The following C9orf72 variants were observed in gnomAD, a reference collection of about 807,000 sequenced individuals.
C9orf72 encodes guanine nucleotide exchange factor C9orf72.
Under a neutral mutation model 51.6 loss-of-function variants are expected in C9orf72, and 44 were observed. The observed-to-expected ratio is 0.85, with a 90% CI of 0.67 to 1.10. The LOEUF is 1.10. Among genes scored for constraint, C9orf72 ranks in the 50% least tolerant of loss-of-function variants. C9orf72 has a pLI of 0.00. For synonymous variants in C9orf72, 213 were observed against 194.2 expected (o/e 1.10, Z -0.81); for missense variants, 607 against 570.6 (o/e 1.06, Z -0.65).
intron 3 of C9orf72, among the ~76,000 whole-genome samples, chr9:27,565,157 G>A (rs1245077893): frequency 6.6e-6 from 1 of 152,050 alleles, no homozygotes; most frequent in Non-Finnish European, 1.5e-5. Flanking sequence ...ATACCTCAGG[G>A]GTACATATGC....
chr9:27,561,401 C>A (rs1177712427), intron 5 of C9orf72, 184 bp downstream of exon 5: 2 of 1,363,562 alleles, frequency 1.5e-6, no homozygotes, highest in African/African-American at 3.1e-5. Flanking sequence ...TGGAATAACA[C>A]CAAATATATA....
At chr9:27,551,426 T>C (rs761817381) in intron 8 of C9orf72, among the ~76,000 whole-genome samples, 3 of 152,204 alleles carry the variant, frequency 2.0e-5, no homozygotes, top group Non-Finnish European at 4.4e-5. Flanking sequence ...CTCCCTTTCA[T>C]CTTTTTCTCT....
chr9:27,564,773 G>T (rs1356142816), intron 3 of C9orf72, among the ~76,000 whole-genome samples: 2 of 151,996 alleles, frequency 1.3e-5, no homozygotes, highest in African/African-American at 2.4e-5. Flanking sequence ...TAAAATATTG[G>T]AGTTTTACAA....
At chr9:27,560,391 C>A in intron 5 of C9orf72, 92 bp from the exon 6 acceptor site, 1 of 887,006 alleles carries the variant, frequency 1.1e-6, no homozygotes, top group Non-Finnish European at 1.7e-6. Flanking sequence ...CTTCAAATAA[C>A]TCAGAATAGC....
In C9orf72 at chr9:27,567,167, A is replaced by G; in HGVS notation, c.-44-3T>C. On this transcript the variant is annotated splice_polypyrimidine_tract_variant and splice_region_variant and intron_variant, in intron 1 of 10. Coordinates refer to ENST00000380003, the MANE Select transcript of C9orf72 (RefSeq NM_018325.5). ...TTATCCAAATGCTCCGGAGATATCT[A>G]AACAATGACATATGAAACCAATGAT... 6.8e-7 allele frequency: 1 copy of G among 1,475,284 alleles called. No homozygotes were observed. The highest frequency in any genetic ancestry group is 9.4e-7 in the Non-Finnish European group (1 of 1,068,534). 91.4% of individuals were successfully genotyped at this position (1,475,284 alleles called of 1,614,324 possible).
chr9:27,558,493 T>G lies in C9orf72; in HGVS notation c.853A>C (p.Lys285Gln). The change falls in exon 7 of 11, where the codon AAG (lysine) becomes CAG (glutamine). Residue 285 changes from lysine to glutamine, a missense_variant and splice_region_variant. Coordinates refer to ENST00000380003, the MANE Select transcript of C9orf72 (RefSeq NM_018325.5). ...ESGLFVQGLLKDSTGSFVLPF... is the reference protein window; with the variant it reads ...ESGLFVQGLLQDSTGSFVLPF... ...CTTGTGATAACTAGAAACTATACCT[T>G]TAGCAGGCCTTGTACAAAGAGCCCT... 6.5e-7 allele frequency: 1 copy of G among 1,532,146 alleles called. No individual in the cohort carries two copies. Among genetic ancestry groups the G allele is most frequent in the South Asian group, 1.2e-5 (1 of 86,162 alleles). 94.9% of individuals were successfully genotyped at this position (1,532,146 alleles called of 1,614,324 possible). A position where few individuals can be genotyped will look rare whatever the true frequency, so the allele number is the denominator to read the frequency against.
Position 27,550,735 on chromosome 9 carries a change from G to GA in C9orf72, c.1092-29dup, listed in dbSNP as rs199757389. 7,299 of 1,434,622 alleles carry GA rather than the reference G, an allele frequency of 5.1e-3. 25 individuals are homozygous for GA. Among genetic ancestry groups the GA allele is most frequent in the Non-Finnish European group, 6.3e-3 (6,533 of 1,038,598 alleles). The allele number at this position is 1,434,622 out of a possible 1,614,324, so 88.9% of individuals were successfully genotyped here. A position where few individuals can be genotyped will look rare whatever the true frequency, so the allele number is the denominator to read the frequency against. On this transcript the variant is annotated intron_variant, in intron 8 of 10. Coordinates refer to ENST00000380003, the MANE Select transcript of C9orf72 (RefSeq NM_018325.5). ...GAAGAAAAGAAGAAAATGAAGAAAA[G>GA]AAAAAAGTTCAAATGTTGAAATGGC...
At chr9:27,564,051 G>A (rs1819412323) in intron 3 of C9orf72, among the ~76,000 whole-genome samples, 1 of 148,408 alleles carries the variant, frequency 6.7e-6, no homozygotes, top group South Asian at 2.1e-4. Context: ...ATAATTTTGG[G>A]AAAATATTTC....
At chr9:27,560,483 C>T (rs1243224634) in intron 5 of C9orf72, 184 bp from the exon 6 acceptor site, 2 of 624,632 alleles carry the variant, frequency 3.2e-6, no homozygotes, top group African/African-American at 3.8e-5. Context: ...AGACCTTTCA[C>T]AGAAATTTTC....
chr9:27,568,101 A>AG (rs1336958729), intron 1 of C9orf72, among the ~76,000 whole-genome samples: 2 of 151,160 alleles, frequency 1.3e-5, no homozygotes, highest in Non-Finnish European at 3.0e-5. Context: ...AAAAAAAAAA[A>AG]AAAAAAGACA....
intron 9 of C9orf72, among the ~76,000 whole-genome samples, chr9:27,548,929 A>C (rs10967979): frequency 0.23 from 34,921 of 151,360 alleles, 4,197 homozygotes; most frequent in Non-Finnish European, 0.25. Flanking sequence ...ACTGCAACCT[A>C]CACCTCCTGG....
Position 27,548,434 on chromosome 9 carries a change from G to GAAAAA in C9orf72, c.1260-13_1260-12insTTTTT. On this transcript the variant is annotated splice_polypyrimidine_tract_variant and intron_variant, in intron 10 of 10. Coordinates refer to ENST00000380003, the MANE Select transcript of C9orf72 (RefSeq NM_018325.5). ...TTTTTCCCTTCTGCCTAAAAATAATGGAAAAAAAAAAAAAAAAAAAAAAAA... is the reference window on the plus strand; with the variant it reads ...TTTTTCCCTTCTGCCTAAAAATAATGAAAAAGAAAAAAAAAAAAAAAAAAAAAAAA... 2 of 80,724 alleles carry GAAAAA rather than the reference G, an allele frequency of 2.5e-5. No individual in the cohort carries two copies. The highest frequency in any genetic ancestry group is 3.8e-5 in the Non-Finnish European group (2 of 52,378). The allele number at this position is 80,724 out of a possible 1,614,324, so 5.0% of individuals were successfully genotyped here.
intron 4 of C9orf72, 68 bp from the exon 5 acceptor site, chr9:27,561,717 A>G (rs948297620): frequency 9.8e-6 from 10 of 1,015,952 alleles, no homozygotes; most frequent in Non-Finnish European, 1.0e-5. Context: ...CACTTTTAAT[A>G]TACAAGTTTT....
At chr9:27,549,722 A>G (rs955033098) in intron 9 of C9orf72, among the ~76,000 whole-genome samples, 1 of 151,522 alleles carries the variant, frequency 6.6e-6, no homozygotes, top group Non-Finnish European at 1.5e-5. Flanking sequence ...TAAGTACACT[A>G]TGTTTCAAAA....
chr9:27,547,303 T>C lies in C9orf72; in HGVS notation c.*933A>G, dbSNP rs1353769859. 2 of 152,676 alleles carry C rather than the reference T, an allele frequency of 1.3e-5. No homozygotes were observed. Among genetic ancestry groups the C allele is most frequent in the Non-Finnish European group, 2.9e-5 (2 of 68,040 alleles). The allele number at this position is 152,676 out of a possible 1,614,324, so 9.5% of individuals were successfully genotyped here. A position where few individuals can be genotyped will look rare whatever the true frequency, so the allele number is the denominator to read the frequency against. Reference sequence around the variant, plus strand: ...AGTTAGTATATTCTCTAAGGCATTTTATAATCTCAGAGTTGCAATGATTGC... The same window carrying C: ...AGTTAGTATATTCTCTAAGGCATTTCATAATCTCAGAGTTGCAATGATTGC... On this transcript the variant is annotated 3_prime_UTR_variant, in exon 11 of 11. Transcript: ENST00000380003.
intron 1 of C9orf72, among the ~76,000 whole-genome samples, chr9:27,567,426 A>G (rs956951267): frequency 5.3e-5 from 8 of 152,330 alleles, no homozygotes; most frequent in African/African-American, 1.9e-4. Flanking sequence ...TAACTTAAAA[A>G]AGGGCTTCTT....
chr9:27,564,874 G>C (rs777591852), intron 3 of C9orf72, among the ~76,000 whole-genome samples: 2 of 152,058 alleles, frequency 1.3e-5, no homozygotes, highest in African/African-American at 2.4e-5. Flanking sequence ...GAACTTCTCT[G>C]CTTTACAGTG....
intron 5 of C9orf72, chr9:27,561,340 G>T (rs1819341559): frequency 1.6e-6 from 2 of 1,257,482 alleles, no homozygotes; most frequent in Non-Finnish European, 2.0e-6. Flanking sequence ...ATCAAGCAAG[G>T]GGCCATGATT....
chr9:27,570,231 A>T (rs1294078973), intron 1 of C9orf72, among the ~76,000 whole-genome samples: 1 of 152,238 alleles, frequency 6.6e-6, no homozygotes, highest in Non-Finnish European at 1.5e-5. Context: ...ACAATGATCA[A>T]ATATAGGAAT....
Sources: allele counts gnomAD v4.1 joint callset (sites outside exome capture counted in the v4.1 genomes callset), GRCh38; gene constraint gnomAD v4.1.1; transcripts MANE v1.5; gene names NCBI Gene and HGNC (gene_info 2026-07-23, HGNC 2026-07-21).